The following GPC5 variants were observed in gnomAD, a reference collection of about 807,000 sequenced individuals.
GPC5 encodes glypican-5.
A neutral mutation model predicts 53.9 loss-of-function variants in GPC5; 47 were observed. That is an observed-to-expected ratio of 0.87 (90% CI 0.69 to 1.11). The LOEUF (loss-of-function observed/expected upper bound fraction) is 1.11, where lower values mean the gene tolerates loss of function less well. GPC5 is among the 50% of genes most tolerant of loss of function. The probability of loss-of-function intolerance (pLI) is 0.00; values close to 1 mark genes in which losing one functional copy is unlikely to be tolerated. For synonymous variants in GPC5, 286 were observed against 263.3 expected, an observed-to-expected ratio of 1.09 and a Z score of -0.84; for missense variants, 748 against 713.1, an observed-to-expected ratio of 1.05 and a Z score of -0.56.
intron 6 of GPC5, among the ~76,000 whole-genome samples, chr13:92,127,765 G>A (rs1484740947): frequency 6.6e-6 from 1 of 152,138 alleles, no homozygotes. Flanking sequence ...ATTTAACCAC[G>A]AAGTTTTCTA....
chr13:92,414,776 G>A (rs973617778), intron 7 of GPC5, among the ~76,000 whole-genome samples: 7 of 152,146 alleles, frequency 4.6e-5, no homozygotes, highest in Admixed American at 1.3e-4. Context: ...TGATTGTCTA[G>A]TGAGGGCCCA....
chr13:91,865,715 T>G (rs2039076094), intron 5 of GPC5, among the ~76,000 whole-genome samples: 2 of 152,130 alleles, frequency 1.3e-5, no homozygotes, highest in African/African-American at 4.8e-5. Context: ...CTTCTTTGTT[T>G]TTCTTATTCT....
intron 7 of GPC5, among the ~76,000 whole-genome samples, chr13:92,172,081 C>T (rs1436765534): frequency 1.3e-5 from 2 of 152,054 alleles, no homozygotes; most frequent in South Asian, 2.1e-4. Flanking sequence ...TGTAGTATTG[C>T]CAGCTCTAAG....
chr13:91,859,106 T>G (rs2038998741), intron 5 of GPC5, among the ~76,000 whole-genome samples: 1 of 151,700 alleles, frequency 6.6e-6, no homozygotes, highest in Non-Finnish European at 1.5e-5. Flanking sequence ...AACTTTTCAT[T>G]TTGTTGATAT....
At chr13:91,550,099 A>G (rs370183305) in intron 2 of GPC5, among the ~76,000 whole-genome samples, 70 of 152,264 alleles carry the variant, frequency 4.6e-4, no homozygotes, top group African/African-American at 1.6e-3. Context: ...GACATGGAGG[A>G]AACTTCAATG....
chr13:92,396,510 TC>T (rs1339038718), intron 7 of GPC5, among the ~76,000 whole-genome samples: 2 of 151,758 alleles, frequency 1.3e-5, no homozygotes, highest in Non-Finnish European at 2.9e-5. Context: ...TTTTTTTTTT[TC>T]ATCTTAATGA....
intron 7 of GPC5, among the ~76,000 whole-genome samples, chr13:92,429,148 C>T (rs1432936553): frequency 1.3e-5 from 2 of 151,844 alleles, no homozygotes; most frequent in East Asian, 3.9e-4. Flanking sequence ...TTCCTATGTA[C>T]AGTATTAATG....
At chr13:91,639,807 G>T (rs1210486232) in intron 2 of GPC5, among the ~76,000 whole-genome samples, 2 of 152,146 alleles carry the variant, frequency 1.3e-5, no homozygotes, top group East Asian at 3.9e-4. Flanking sequence ...TTCTTCACAA[G>T]CATTATTTGA....
chr13:92,507,584 A>T (rs200402150), intron 7 of GPC5, among the ~76,000 whole-genome samples: 1 of 152,148 alleles, frequency 6.6e-6, no homozygotes, highest in East Asian at 1.9e-4. Flanking sequence ...CACTGAATAA[A>T]CTCACACCCA....
At chr13:92,452,354 G>T (rs367982011) in intron 7 of GPC5, among the ~76,000 whole-genome samples, 1 of 152,106 alleles carries the variant, frequency 6.6e-6, no homozygotes, top group Non-Finnish European at 1.5e-5. Context: ...TACAGAAAAA[G>T]TGTGGATTTA....
At chr13:92,368,675 T>C (rs2043626230) in intron 7 of GPC5, among the ~76,000 whole-genome samples, 1 of 135,370 alleles carries the variant, frequency 7.4e-6, no homozygotes, top group African/African-American at 2.7e-5. Flanking sequence ...AAAGTTAAAA[T>C]GTGGAAATGC....
chr13:92,416,012 G>C (rs1305782584), intron 7 of GPC5, among the ~76,000 whole-genome samples: 2 of 152,230 alleles, frequency 1.3e-5, no homozygotes, highest in South Asian at 4.1e-4. Context: ...AAATGTAGCT[G>C]TGTGAGGAAA....
At chr13:91,703,960 AT>A (rs1258186219) in intron 3 of GPC5, among the ~76,000 whole-genome samples, 1 of 151,876 alleles carries the variant, frequency 6.6e-6, no homozygotes, top group East Asian at 1.9e-4. Context: ...TTCTCTTATG[AT>A]CCTTTGTACA....
intron 1 of GPC5, among the ~76,000 whole-genome samples, chr13:91,407,178 G>A (rs1877387405): frequency 6.6e-6 from 1 of 152,152 alleles, no homozygotes; most frequent in Non-Finnish European, 1.5e-5. Context: ...TATAGAGAGT[G>A]AAGTTCCTTA....
At chr13:91,534,266 C>A (rs1000945837) in intron 2 of GPC5, among the ~76,000 whole-genome samples, 1 of 152,120 alleles carries the variant, frequency 6.6e-6, no homozygotes, top group African/African-American at 2.4e-5. Context: ...CTATGTGTTA[C>A]CCATATGTAC....
chr13:91,439,356 C>T (rs926326009), intron 1 of GPC5, among the ~76,000 whole-genome samples: 1 of 152,176 alleles, frequency 6.6e-6, no homozygotes, highest in Non-Finnish European at 1.5e-5. Flanking sequence ...ATTATCTAGC[C>T]CCAAGTATAA....
At chr13:91,933,033 A>G (rs991613207) in intron 6 of GPC5, among the ~76,000 whole-genome samples, 1 of 152,034 alleles carries the variant, frequency 6.6e-6, no homozygotes, top group Non-Finnish European at 1.5e-5. Flanking sequence ...GTGGCATTAC[A>G]TATCCATAAT....
At chr13:92,794,822 T>A (rs1443427394) in intron 7 of GPC5, among the ~76,000 whole-genome samples, 3 of 152,054 alleles carry the variant, frequency 2.0e-5, no homozygotes, top group Non-Finnish European at 4.4e-5. Context: ...GAATCCAACT[T>A]ACAAGGGATG....
At chr13:92,226,347 G>A (rs548540332) in intron 7 of GPC5, among the ~76,000 whole-genome samples, 1 of 152,270 alleles carries the variant, frequency 6.6e-6, no homozygotes, top group Admixed American at 6.5e-5. Flanking sequence ...CAACAATCGT[G>A]TGTCTGGATA....
Sources: gnomAD v4.1 joint callset for allele counts (sites outside exome capture counted in the v4.1 genomes callset) on GRCh38, gnomAD v4.1.1 for gene constraint, MANE v1.5 for transcripts, NCBI Gene and HGNC (gene_info 2026-07-23, HGNC 2026-07-21) for gene names.